Variants in CTNNA2 observed in about 807,000 individuals in gnomAD.
CTNNA2 encodes the protein catenin alpha 2, also known as catenin alpha-2.
Under a neutral mutation model 101.0 loss-of-function variants are expected in CTNNA2, and 42 were observed. The ratio of observed to expected loss-of-function variants is 0.42; its 90% confidence interval spans 0.32 to 0.54. The LOEUF (loss-of-function observed/expected upper bound fraction) is 0.54. Among genes scored for constraint, CTNNA2 ranks in the 20% least tolerant of loss-of-function variants. The probability of loss-of-function intolerance (pLI) is 0.14; values close to 1 mark genes in which losing one functional copy is unlikely to be tolerated. For missense variants in CTNNA2, 871 were observed against 1,223.1 expected, an observed-to-expected ratio of 0.71 and a Z score of 4.29; for synonymous variants, 450 against 456.4, an observed-to-expected ratio of 0.99 and a Z score of 0.18.
At position 80,305,181 on chromosome 2, in the gene CTNNA2, G is replaced by T. The variant is rs796991180; in HGVS notation, c.1057-88030G>T. The T allele has an allele frequency of 3.0e-6, 3 of 985,152 alleles. No homozygotes were observed. In the South Asian group the frequency reaches 1.4e-4, roughly 46 times the overall value. The allele number at this position is 985,152 out of a possible 1,614,324, so 61.0% of individuals were successfully genotyped here. ...TTTGGGGCTTGGCTAAGATTTTTGG[G>T]GTTTTTTCCCCCTCTTGCGGGTACT... is the stretch of plus-strand genomic sequence containing the variant. On this transcript the variant is annotated intron_variant, in intron 7 of 18. Coordinates refer to ENST00000402739, the MANE Select transcript of CTNNA2 (RefSeq NM_001282597.3).
At chr2:79,531,197 TA>T (rs1672719309) in intron 1 of CTNNA2, among the ~76,000 whole-genome samples, 1 of 9,274 alleles carries the variant, frequency 1.1e-4, no homozygotes, top group African/African-American at 8.2e-4. Flanking sequence ...GATACGCTCA[TA>T]TATATATATA....
chr2:79,402,248 C>T (rs1678297393), intron 4 of CTNNA2, among the ~76,000 whole-genome samples: 1 of 151,774 alleles, frequency 6.6e-6, no homozygotes, highest in African/African-American at 2.4e-5. Flanking sequence ...GATGGAATAA[C>T]TGGCAGAAGA....
At chr2:80,336,417 C>T (rs1671767884) in intron 7 of CTNNA2, among the ~76,000 whole-genome samples, 1 of 152,124 alleles carries the variant, frequency 6.6e-6, no homozygotes, top group Non-Finnish European at 1.5e-5. Context: ...CTCAATTTTA[C>T]AATTACAATT....
chr2:80,075,568 ATAAAAT>A (rs1698630318), intron 7 of CTNNA2, among the ~76,000 whole-genome samples: 6 of 135,276 alleles, frequency 4.4e-5, no homozygotes, highest in African/African-American at 1.4e-4. Context: ...TATAAATATT[ATAAAAT>A]AATATTTATA....
At chr2:79,668,202 T>TGCAGTCC (rs1204735419) in intron 2 of CTNNA2, among the ~76,000 whole-genome samples, 1 of 129,584 alleles carries the variant, frequency 7.7e-6, no homozygotes, top group Non-Finnish European at 1.5e-5. Context: ...ATTGCGCCAC[T>TGCAGTCC]GCAGTCCGCA....
At chr2:79,572,401 G>C (rs1054625039) in intron 1 of CTNNA2, among the ~76,000 whole-genome samples, 1 of 152,286 alleles carries the variant, frequency 6.6e-6, no homozygotes, top group South Asian at 2.1e-4. Flanking sequence ...AAAGGTACTT[G>C]GGTTTTATTT....
chr2:79,689,108 A>C (rs1323411572), intron 2 of CTNNA2, among the ~76,000 whole-genome samples: 1 of 151,560 alleles, frequency 6.6e-6, no homozygotes, highest in Non-Finnish European at 1.5e-5. Flanking sequence ...TGGCCTGTTC[A>C]TCTAGTATCT....
intron 7 of CTNNA2, among the ~76,000 whole-genome samples, chr2:80,080,225 T>G (rs1437130691): frequency 1.3e-5 from 2 of 152,106 alleles, no homozygotes; most frequent in Non-Finnish European, 2.9e-5. Flanking sequence ...TAAAACAATC[T>G]TGAAAAAGGA....
intron 1 of CTNNA2, among the ~76,000 whole-genome samples, chr2:79,619,098 T>A (rs1287310079): frequency 1.3e-5 from 2 of 152,138 alleles, no homozygotes; most frequent in Non-Finnish European, 2.9e-5. Flanking sequence ...CCCAGCTAGT[T>A]GGGAGGCTGA....
chr2:80,254,442 G>A (rs1671988275), intron 7 of CTNNA2, among the ~76,000 whole-genome samples: 1 of 152,136 alleles, frequency 6.6e-6, no homozygotes, highest in Admixed American at 6.6e-5. Context: ...AGAAACCACT[G>A]TAAAAGTGTA....
chr2:80,113,829 A>C (rs1159015518), intron 7 of CTNNA2, among the ~76,000 whole-genome samples: 1 of 152,242 alleles, frequency 6.6e-6, no homozygotes, highest in Non-Finnish European at 1.5e-5. Context: ...AATATGATAA[A>C]AACATTCATG....
At chr2:79,650,635 ATG>A (rs1681170129) in intron 1 of CTNNA2, among the ~76,000 whole-genome samples, 1 of 146,914 alleles carries the variant, frequency 6.8e-6, no homozygotes, top group Admixed American at 6.8e-5. Context: ...TTTTTTTTAA[ATG>A]TATTTATTTT....
chr2:80,512,178 A>G (rs767379907), intron 9 of CTNNA2, among the ~76,000 whole-genome samples: 1 of 147,420 alleles, frequency 6.8e-6, no homozygotes, highest in Non-Finnish European at 1.5e-5. Flanking sequence ...AAAAAAAAGT[A>G]TATGGGAAAC....
intron 7 of CTNNA2, among the ~76,000 whole-genome samples, chr2:80,024,592 C>T (rs1309091387): frequency 2.6e-5 from 4 of 152,164 alleles, no homozygotes; most frequent in Admixed American, 6.5e-5. Context: ...GTGCAGGTGC[C>T]GGGGCAGATG....
chr2:79,728,819 A>G (rs374070576), intron 2 of CTNNA2, among the ~76,000 whole-genome samples: 1 of 152,048 alleles, frequency 6.6e-6, no homozygotes, highest in East Asian at 1.9e-4. Flanking sequence ...CCAGCACCAT[A>G]TATTAAATAG....
At chr2:79,407,632 A>G (rs1678354248) in intron 4 of CTNNA2, among the ~76,000 whole-genome samples, 1 of 151,984 alleles carries the variant, frequency 6.6e-6, no homozygotes, top group Admixed American at 6.6e-5. Flanking sequence ...GGAGGGCAGA[A>G]TAGACCTTCC....
intron 7 of CTNNA2, among the ~76,000 whole-genome samples, chr2:80,381,756 T>TG (rs1676535329): frequency 6.6e-6 from 1 of 152,182 alleles, no homozygotes; most frequent in African/African-American, 2.4e-5. Context: ...GGGCTGGCAA[T>TG]GGGAAAGGTC....
intron 9 of CTNNA2, among the ~76,000 whole-genome samples, chr2:80,488,307 A>G (rs553395760): frequency 1.3e-5 from 2 of 152,068 alleles, no homozygotes; most frequent in South Asian, 4.2e-4. Context: ...GTTTGGTTAT[A>G]TTTATTTTTG....
chr2:79,511,388 CT>C (rs2103822926), upstream of CTNNA2, among the ~76,000 whole-genome samples: 1 of 152,328 alleles, frequency 6.6e-6, no homozygotes, highest in South Asian at 2.1e-4. Context: ...TCATTCTCCA[CT>C]CTTTATACCT....
Sources: allele counts gnomAD v4.1 joint callset (sites outside exome capture counted in the v4.1 genomes callset), GRCh38; gene constraint gnomAD v4.1.1; transcripts MANE v1.5; gene names NCBI Gene and HGNC (gene_info 2026-07-23, HGNC 2026-07-21).